Variants in CSMD1 observed in about 807,000 individuals in gnomAD.
CSMD1 encodes the protein CUB and Sushi multiple domains 1, also known as CUB and sushi domain-containing protein 1.
Under a neutral mutation model 417.5 loss-of-function variants are expected in CSMD1, and 213 were observed. The ratio of observed to expected loss-of-function variants is 0.51; its 90% CI spans 0.46 to 0.57. The LOEUF (loss-of-function observed/expected upper bound fraction) is 0.57, where lower values mean the gene tolerates loss of function less well. Ranked by LOEUF, CSMD1 falls within the 20% of genes least tolerant of loss-of-function variation. The pLI, the probability that CSMD1 is intolerant of heterozygous loss-of-function variation, is 0.00. For synonymous variants in CSMD1, 2,862 were observed against 1,736.8 expected (o/e 1.65, Z -16.11); for missense variants, 6,923 against 4,529.7 (o/e 1.53, Z -15.17).
chr8:3,720,654 C>CACACA (rs1166821267), intron 6 of CSMD1, among the ~76,000 whole-genome samples: 10 of 151,950 alleles, frequency 6.6e-5, no homozygotes, highest in Admixed American at 1.3e-4. Context: ...CACACACACA[C>CACACA]ACCAGCACAT....
chr8:3,009,809 C>T (rs770909281), intron 52 of CSMD1, among the ~76,000 whole-genome samples: 49 of 152,132 alleles, frequency 3.2e-4, no homozygotes, highest in African/African-American at 7.2e-4. Flanking sequence ...GTGACAGCAT[C>T]AAACACGGGC....
intron 3 of CSMD1, among the ~76,000 whole-genome samples, chr8:4,220,614 G>C (rs1297960783): frequency 6.6e-6 from 1 of 152,180 alleles, no homozygotes; most frequent in Non-Finnish European, 1.5e-5. Flanking sequence ...GTGAGAGGAA[G>C]GACCAGTGGT....
chr8:4,553,257 C>CA (rs914495049), intron 2 of CSMD1, among the ~76,000 whole-genome samples: 1 of 152,198 alleles, frequency 6.6e-6, no homozygotes, highest in African/African-American at 2.4e-5. Flanking sequence ...ATAAATGTAA[C>CA]AGTTCCTCAT....
chr8:4,659,182 G>A (rs1387830580), intron 1 of CSMD1, among the ~76,000 whole-genome samples: 2 of 151,938 alleles, frequency 1.3e-5, no homozygotes, highest in African/African-American at 2.4e-5. Flanking sequence ...AAATGAAAAC[G>A]AGGACACACA....
intron 3 of CSMD1, among the ~76,000 whole-genome samples, chr8:4,358,223 C>G (rs745886314): frequency 5.9e-5 from 9 of 152,064 alleles, no homozygotes; most frequent in Non-Finnish European, 1.3e-4. Flanking sequence ...TTTTATGTAC[C>G]AAATGAATGT....
intron 5 of CSMD1, among the ~76,000 whole-genome samples, chr8:3,952,904 G>C (rs370506384): frequency 2.6e-4 from 40 of 152,290 alleles, no homozygotes; most frequent in African/African-American, 8.2e-4. Context: ...CTCAGCGAAA[G>C]CTGTATTGAG....
At position 4,164,962 on chromosome 8, in the gene CSMD1, G is replaced by C. The variant is rs79905589; in HGVS notation, c.416-132863C>G. ...AGACTTCATTATCTGTTTCAACTGA[G>C]CAGTAGGAATTTTTATAATTATTGT... On this transcript the variant is annotated intron_variant, in intron 3 of 69. Transcript: ENST00000635120. Among the ~76,000 whole-genome samples, 1,164 of 152,098 alleles carry C rather than the reference G, an allele frequency of 7.7e-3. 14 individuals carry two copies. Among genetic ancestry groups the C allele is most frequent in the African/African-American group, 0.027 (1,100 of 41,494 alleles).
At chr8:3,426,816 T>A (rs1467496437) in intron 12 of CSMD1, among the ~76,000 whole-genome samples, 3 of 152,190 alleles carry the variant, frequency 2.0e-5, no homozygotes, top group Non-Finnish European at 4.4e-5. Flanking sequence ...ATGTTCCAAA[T>A]CACTGGATGT....
chr8:3,303,838 TTTTAA>T (rs1173909513), intron 25 of CSMD1, among the ~76,000 whole-genome samples: 1 of 152,232 alleles, frequency 6.6e-6, no homozygotes, highest in African/African-American at 2.4e-5. Flanking sequence ...GTGATTAGAC[TTTTAA>T]TTAAATTTGG....
intron 1 of CSMD1, among the ~76,000 whole-genome samples, chr8:4,752,652 C>G (rs550645260): frequency 6.6e-6 from 1 of 152,270 alleles, no homozygotes; most frequent in East Asian, 1.9e-4. Context: ...GCCATATTTT[C>G]TCTCCAGCAG....
At chr8:3,213,702 A>T (rs918261011) in intron 30 of CSMD1, among the ~76,000 whole-genome samples, 4 of 150,900 alleles carry the variant, frequency 2.7e-5, no homozygotes, top group African/African-American at 4.9e-5. Flanking sequence ...TATATATATA[A>T]AAATATATGT....
chr8:4,497,725 C>A (rs956075797), intron 2 of CSMD1, among the ~76,000 whole-genome samples: 4 of 152,206 alleles, frequency 2.6e-5, no homozygotes, highest in Admixed American at 2.0e-4. Context: ...AAATACACAA[C>A]TCCTTTCAGC....
At chr8:3,199,956 T>C (rs1354175866) in intron 32 of CSMD1, 147 bp from the exon 33 acceptor site, 1 of 585,628 alleles carries the variant, frequency 1.7e-6, no homozygotes, top group Non-Finnish European at 3.0e-6. Flanking sequence ...AACTCAAATA[T>C]GTTGTTTTTA....
intron 47 of CSMD1, among the ~76,000 whole-genome samples, chr8:3,094,609 T>C (rs1323353138): frequency 6.6e-6 from 1 of 152,196 alleles, no homozygotes; most frequent in African/African-American, 2.4e-5. Flanking sequence ...CAGTGTACAC[T>C]GTAATTTTAA....
intron 1 of CSMD1, among the ~76,000 whole-genome samples, chr8:4,684,846 T>C (rs577757314): frequency 3.2e-4 from 48 of 152,338 alleles, no homozygotes; most frequent in Non-Finnish European, 4.6e-4. Context: ...AAGAATATAA[T>C]AGACAAACCT....
At chr8:4,602,052 T>G (rs73659140) in intron 2 of CSMD1, among the ~76,000 whole-genome samples, 16 of 152,148 alleles carry the variant, frequency 1.1e-4, no homozygotes, top group Non-Finnish European at 2.4e-4. Context: ...AGAATGAATA[T>G]AGAAATAGAT....
At chr8:4,217,023 G>C (rs1800721592) in intron 3 of CSMD1, among the ~76,000 whole-genome samples, 1 of 152,172 alleles carries the variant, frequency 6.6e-6, no homozygotes, top group Admixed American at 6.5e-5. Context: ...GTCTCTTAAA[G>C]GATAAGTCTT....
intron 2 of CSMD1, among the ~76,000 whole-genome samples, chr8:4,584,235 G>A (rs11987636): frequency 0.12 from 17,823 of 151,816 alleles, 1,194 homozygotes; most frequent in African/African-American, 0.19. Context: ...CACCAATTCC[G>A]GACACATTTT....
intron 2 of CSMD1, among the ~76,000 whole-genome samples, chr8:4,491,738 G>C (rs766008393): frequency 6.6e-6 from 1 of 152,162 alleles, no homozygotes; most frequent in African/African-American, 2.4e-5. Context: ...TGTTGAGGTT[G>C]TGGGGCAACA....
Sources: allele counts gnomAD v4.1 joint callset (sites outside exome capture counted in the v4.1 genomes callset), GRCh38; gene constraint gnomAD v4.1.1; transcripts MANE v1.5; gene names NCBI Gene and HGNC (gene_info 2026-07-23, HGNC 2026-07-21).